Variants in ASTN1 observed in about 807,000 individuals in gnomAD.
ASTN1 encodes the protein astrotactin-1.
Under a neutral mutation model 140.7 loss-of-function variants are expected in ASTN1, and 41 were observed. The ratio of observed to expected loss-of-function variants is 0.29; its 90% CI spans 0.23 to 0.38. ASTN1 has a LOEUF of 0.38. Among genes scored for constraint, ASTN1 ranks in the 10% least tolerant of loss-of-function variants. The pLI is 1.00. For synonymous variants in ASTN1, 640 were observed against 652.2 expected, an observed-to-expected ratio of 0.98 and a Z score of 0.29; for missense variants, 1,479 against 1,678.8, an observed-to-expected ratio of 0.88 and a Z score of 2.08.
chr1:177,164,228 T>C (rs1010263), intron 1 of ASTN1, among the ~76,000 whole-genome samples, 166 bp downstream of exon 1: 6,749 of 150,962 alleles, frequency 0.045, 207 homozygotes, highest in Non-Finnish European at 0.06. Flanking sequence ...ACAGAGGCGC[T>C]AGTATGCAAG....
intron 1 of ASTN1, among the ~76,000 whole-genome samples, chr1:177,162,546 G>T (rs1159375769): frequency 1.3e-5 from 2 of 152,172 alleles, no homozygotes; most frequent in African/African-American, 4.8e-5. Context: ...TGTGCACATT[G>T]GTTCCTAGTA....
At chr1:176,969,148 C>A (rs984655179) in intron 8 of ASTN1, among the ~76,000 whole-genome samples, 1 of 152,002 alleles carries the variant, frequency 6.6e-6, no homozygotes, top group African/African-American at 2.4e-5. Context: ...AGTAAGAAAC[C>A]CCCCCGCCTC....
At chr1:177,145,741 A>C (rs542227703) in intron 1 of ASTN1, among the ~76,000 whole-genome samples, 8 of 152,234 alleles carry the variant, frequency 5.3e-5, no homozygotes, top group Non-Finnish European at 1.2e-4. Context: ...ATCAGCACCA[A>C]GTTCACAGGC....
At chr1:176,958,621 A>T in intron 9 of ASTN1, 139 bp from the exon 10 acceptor site, 1 of 1,225,608 alleles carries the variant, frequency 8.2e-7, no homozygotes, top group Non-Finnish European at 1.1e-6. Flanking sequence ...TATGGGTGCA[A>T]TGACTAAGTT....
chr1:177,158,375 AATTTT>A (rs1205600746), intron 1 of ASTN1, among the ~76,000 whole-genome samples: 1 of 152,230 alleles, frequency 6.6e-6, no homozygotes, highest in Non-Finnish European at 1.5e-5. Flanking sequence ...TAAAGTAATT[AATTTT>A]TAAGAATAAT....
At chr1:176,942,818 G>GTATATA (rs1478728177) in intron 14 of ASTN1, among the ~76,000 whole-genome samples, 20 of 31,946 alleles carry the variant, frequency 6.3e-4, no homozygotes, top group Admixed American at 1.7e-3. Context: ...CTTTGTGTGT[G>GTATATA]TGTATATATA....
Position 177,106,625 on chromosome 1 carries a change from C to T in ASTN1, c.284-45360G>A, listed in dbSNP as rs112556955. 7.1e-4 allele frequency among the ~76,000 whole-genome samples: 108 copies of T among 152,234 alleles called. 2 individuals carry two copies. The highest frequency in any genetic ancestry group is 2.4e-3 in the African/African-American group (98 of 41,542). On this transcript the variant is annotated intron_variant, in intron 1 of 22. Transcript: ENST00000361833. ...ATAGGGCCAAAGATATGTTAACATACGCAAAAATTTGAGTCTATGATACCT... is the reference window on the plus strand; with the variant it reads ...ATAGGGCCAAAGATATGTTAACATATGCAAAAATTTGAGTCTATGATACCT...
At chr1:177,058,998 C>T (rs1305476393) in intron 2 of ASTN1, among the ~76,000 whole-genome samples, 1 of 152,162 alleles carries the variant, frequency 6.6e-6, no homozygotes, top group Non-Finnish European at 1.5e-5. Flanking sequence ...CCCAGCCCTC[C>T]CTAGACTCCC....
intron 1 of ASTN1, among the ~76,000 whole-genome samples, chr1:177,063,043 G>A (rs1406750589): frequency 1.3e-5 from 2 of 152,186 alleles, no homozygotes; most frequent in Admixed American, 1.3e-4. Context: ...TGATGGGCAA[G>A]TGGACTTCCT....
chr1:177,112,330 T>A (rs2102157493), intron 1 of ASTN1, among the ~76,000 whole-genome samples: 1 of 152,372 alleles, frequency 6.6e-6, no homozygotes. Flanking sequence ...AGGGAATATG[T>A]TGAAGGCACA....
intron 11 of ASTN1, 28 bp from the exon 12 acceptor site, chr1:176,949,379 C>A (rs1278932245): frequency 6.3e-7 from 1 of 1,598,736 alleles, no homozygotes; most frequent in South Asian, 1.1e-5. Context: ...CATCCACATA[C>A]GTGGGTGAAT....
intron 1 of ASTN1, among the ~76,000 whole-genome samples, chr1:177,150,250 A>G (rs1303666290): frequency 6.6e-6 from 1 of 152,088 alleles, no homozygotes; most frequent in Non-Finnish European, 1.5e-5. Flanking sequence ...GGGATGACCA[A>G]AGTCAATAAA....
At chr1:176,983,435 G>A (rs1673726205) in intron 8 of ASTN1, among the ~76,000 whole-genome samples, 1 of 152,196 alleles carries the variant, frequency 6.6e-6, no homozygotes, top group Admixed American at 6.5e-5. Flanking sequence ...CCTTGGTCTT[G>A]TTAGACTCGC....
chr1:176,976,749 A>T (rs1230569608), intron 8 of ASTN1: 1 of 152,212 alleles, frequency 6.6e-6, no homozygotes, highest in Non-Finnish European at 1.5e-5. Flanking sequence ...CCCTGGGCTC[A>T]TATAGCCAAG....
chr1:176,996,735 C>T (rs1026791765), intron 8 of ASTN1, among the ~76,000 whole-genome samples: 4 of 152,148 alleles, frequency 2.6e-5, no homozygotes, highest in Admixed American at 6.5e-5. Flanking sequence ...TGATGATGTG[C>T]TCTCCCTGCT....
At chr1:176,925,374 A>AT (rs1224591387) in intron 16 of ASTN1, among the ~76,000 whole-genome samples, 1 of 152,192 alleles carries the variant, frequency 6.6e-6, no homozygotes, top group Non-Finnish European at 1.5e-5. Flanking sequence ...TCTTGGAACT[A>AT]ACAGCTTTGG....
At chr1:176,942,820 G>GTGTATATATATA (rs1553231482) in intron 14 of ASTN1, among the ~76,000 whole-genome samples, 10 of 25,318 alleles carry the variant, frequency 3.9e-4, no homozygotes, top group East Asian at 1.9e-3. Flanking sequence ...TTGTGTGTGT[G>GTGTATATATATA]TATATATATA....
chr1:177,093,100 C>T (rs1679844118), intron 1 of ASTN1, among the ~76,000 whole-genome samples: 1 of 152,098 alleles, frequency 6.6e-6, no homozygotes, highest in African/African-American at 2.4e-5. Context: ...ATGACCAGTA[C>T]CTAGAAAAAA....
intron 1 of ASTN1, among the ~76,000 whole-genome samples, chr1:177,087,650 T>G (rs1679543551): frequency 6.6e-6 from 1 of 152,204 alleles, no homozygotes; most frequent in South Asian, 2.1e-4. Context: ...CCCCGTAGTC[T>G]GCTAGTCCGC....
Sources: gnomAD v4.1 joint callset for allele counts (sites outside exome capture counted in the v4.1 genomes callset) on GRCh38, gnomAD v4.1.1 for gene constraint, MANE v1.5 for transcripts, NCBI Gene and HGNC (gene_info 2026-07-23, HGNC 2026-07-21) for gene names.